KIF26B: variants seen among roughly 807,000 people sequenced by gnomAD.
KIF26B encodes kinesin-like protein KIF26B.
KIF26B carries 63 observed loss-of-function variants against 151.2 expected under a neutral mutation model. That is an observed-to-expected ratio of 0.42 (90% CI 0.34 to 0.51). KIF26B has a LOEUF of 0.51. Ranked by LOEUF, KIF26B falls within the 20% of genes least tolerant of loss-of-function variation. The probability of loss-of-function intolerance (pLI) is 0.07; values close to 1 mark genes in which losing one functional copy is unlikely to be tolerated. For synonymous variants in KIF26B, 1,357 were observed against 1,262.1 expected (o/e 1.08, Z -1.59); for missense variants, 2,813 against 2,913.6 (o/e 0.97, Z 0.79).
intron 3 of KIF26B, among the ~76,000 whole-genome samples, chr1:245,378,971 G>C (rs922847067): frequency 2.0e-5 from 3 of 152,164 alleles, no homozygotes; most frequent in African/African-American, 7.2e-5. Context: ...CGACTTCTCC[G>C]TGAAGTTGAC....
intron 10 of KIF26B, among the ~76,000 whole-genome samples, chr1:245,670,924 T>A (rs1230086771): frequency 1.3e-5 from 2 of 149,270 alleles, no homozygotes; most frequent in Non-Finnish European, 3.0e-5. Context: ...CCTGTTGTAC[T>A]TTCAAATACT....
At chr1:245,373,151 CATTTT>C (rs1673166856) in intron 3 of KIF26B, among the ~76,000 whole-genome samples, 1 of 152,290 alleles carries the variant, frequency 6.6e-6, no homozygotes, top group East Asian at 1.9e-4. Context: ...AACAGGGACT[CATTTT>C]ATTCTCACAT....
rs968978276 is a variant in KIF26B, at chr1:245,686,130, C to G, written c.3147C>G (p.Ser1049Arg). 6 of 1,611,890 alleles carry G rather than the reference C, an allele frequency of 3.7e-6. No homozygotes were observed. The Admixed American group carries it at 1.0e-4, about 27-fold the overall frequency. The change falls in exon 12 of 15, where the codon AGC becomes AGG. Residue 1049 changes from serine (S) to arginine (R), a missense_variant. Ser to Arg is a moderately radical substitution (Grantham distance 110, BLOSUM62 -1). Around this residue, in one of 3 missense-constraint regions of KIF26B, gnomAD observed 2,060 missense variants for 2,088.6 expected, o/e 0.99. Coordinates refer to ENST00000407071, the MANE Select transcript of KIF26B (RefSeq NM_018012.4). This position sits in a 1 kb window ranked among gnomAD's most constrained non-coding sequence, Gnocchi z 5.6. ...QSPSLQSSRE[S>R]LNSCGFVEGK... The stretch of plus-strand genomic sequence containing the variant: ...CCAGCCTCCAGAGCAGCCGGGAGAG[C>G]CTCAACTCCTGCGGCTTCGTGGAAG...
Position 245,688,187 on chromosome 1 carries a change from T to A in KIF26B, c.5204T>A (p.Val1735Glu). Residue 1735 changes from valine to glutamate, a missense_variant, in exon 12 of 15, where the codon GTG (valine) becomes GAG (glutamate). Coordinates refer to ENST00000407071, the MANE Select transcript of KIF26B (RefSeq NM_018012.4). ...PKAGQSKISAVSRLLLASPRA... is the reference protein window; with the variant it reads ...PKAGQSKISAESRLLLASPRA... ...GCCGGCCAGTCCAAGATCTCCGCCG[T>A]GAGCAGACTCCTCCTGGCCAGCCCC... The A allele has an allele frequency of 6.3e-7, 1 of 1,597,354 alleles. No individual in the cohort carries two copies. The highest frequency in any genetic ancestry group is 1.1e-5 in the South Asian group (1 of 90,844).
chr1:245,190,028 C>CT (rs1245560667), intron 2 of KIF26B, among the ~76,000 whole-genome samples: 2 of 150,740 alleles, frequency 1.3e-5, no homozygotes, highest in Non-Finnish European at 3.0e-5. Context: ...TATCTCCTCC[C>CT]CGGTCCCTCC....
intron 2 of KIF26B, among the ~76,000 whole-genome samples, chr1:245,336,579 G>T (rs867519785): frequency 7.9e-5 from 12 of 152,320 alleles, no homozygotes; most frequent in African/African-American, 2.6e-4. Flanking sequence ...TTGCTTCTCT[G>T]CAGGCTCGTG....
intron 4 of KIF26B, among the ~76,000 whole-genome samples, chr1:245,492,210 G>C (rs185955486): frequency 6.6e-6 from 1 of 152,176 alleles, no homozygotes; most frequent in Non-Finnish European, 1.5e-5. Flanking sequence ...GCTGAGCCGC[G>C]TCAGCTCTTT....
intron 2 of KIF26B, among the ~76,000 whole-genome samples, chr1:245,231,062 G>A (rs182127574): frequency 1.8e-3 from 279 of 152,086 alleles, no homozygotes; most frequent in Non-Finnish European, 3.4e-3. Flanking sequence ...AATTATAAGG[G>A]ATATTGAGAA....
chr1:245,444,058 AC>A (rs1334431443), intron 4 of KIF26B, among the ~76,000 whole-genome samples: 4 of 129,134 alleles, frequency 3.1e-5, no homozygotes, highest in Non-Finnish European at 6.5e-5. Context: ...CTCACTGTTC[AC>A]CCTGCGGTCA....
chr1:245,389,335 ACTC>A (rs1673629661), intron 3 of KIF26B, among the ~76,000 whole-genome samples: 1 of 145,748 alleles, frequency 6.9e-6, no homozygotes, highest in Non-Finnish European at 1.5e-5. Flanking sequence ...CTGGTCTTGA[ACTC>A]CTGACCTCAG....
At chr1:245,657,491 C>T (rs1369548751) in intron 10 of KIF26B, among the ~76,000 whole-genome samples, 1 of 152,082 alleles carries the variant, frequency 6.6e-6, no homozygotes, top group African/African-American at 2.4e-5. Context: ...GCCAGAAGGC[C>T]CCTTTAAAAT....
rs1351722395 is a variant in KIF26B, at chr1:245,495,352, T to C, written c.1167-45415T>C. Among the ~76,000 whole-genome samples the C allele has an allele frequency of 6.6e-6, 1 of 152,224 alleles. No homozygotes were observed. Among genetic ancestry groups the C allele is most frequent in the Non-Finnish European group, 1.5e-5 (1 of 68,026 alleles). ...TTTCTTTTTCTTTTTAGTTGACACA[T>C]AATAATTGTACATATTTGTAGGTAC... is the stretch of plus-strand genomic sequence containing the variant. On this transcript the variant is annotated intron_variant, in intron 4 of 14. Coordinates refer to ENST00000407071, the MANE Select transcript of KIF26B (RefSeq NM_018012.4). The surrounding 1 kb of genome is among the most constrained non-coding windows in gnomAD (Gnocchi z 4.2).
chr1:245,285,761 C>G (rs1332862014), intron 2 of KIF26B, among the ~76,000 whole-genome samples: 1 of 151,568 alleles, frequency 6.6e-6, no homozygotes, highest in East Asian at 1.9e-4. Flanking sequence ...TGGTGCCCCA[C>G]TGTGGGTTGG....
chr1:245,642,011 A>G (rs2043897160), intron 9 of KIF26B, among the ~76,000 whole-genome samples: 1 of 152,328 alleles, frequency 6.6e-6, no homozygotes, highest in African/African-American at 2.4e-5. Flanking sequence ...TGATCACCAC[A>G]GTAATCTCAG....
chr1:245,430,638 G>A (rs1658754892), intron 4 of KIF26B, among the ~76,000 whole-genome samples: 1 of 152,024 alleles, frequency 6.6e-6, no homozygotes, highest in African/African-American at 2.4e-5. Context: ...GGGCACTCCA[G>A]CCTAGGCGAC....
intron 4 of KIF26B, among the ~76,000 whole-genome samples, chr1:245,433,939 G>T (rs968825266): frequency 9.2e-5 from 14 of 152,036 alleles, no homozygotes; most frequent in Non-Finnish European, 1.9e-4. Flanking sequence ...TCTCTTGGGG[G>T]TCTGTAGTGA....
chr1:245,375,918 G>A lies in KIF26B; in HGVS notation c.999+8551G>A, dbSNP rs1475002210. Reference sequence around the variant, plus strand: ...ATCTGGGTGCCACCACAGAATGAGAGGTTACTCATACTGCACCGCTGGTTT... The same window carrying A: ...ATCTGGGTGCCACCACAGAATGAGAAGTTACTCATACTGCACCGCTGGTTT... On this transcript the variant is annotated intron_variant, in intron 3 of 14. Transcript: ENST00000407071. The surrounding 1 kb of genome is among the most constrained non-coding windows in gnomAD (Gnocchi z 4.2). Among the ~76,000 whole-genome samples, 1 of 152,158 alleles carries A rather than the reference G, an allele frequency of 6.6e-6. No individual in the cohort carries two copies. The highest frequency in any genetic ancestry group is 1.5e-5 in the Non-Finnish European group (1 of 68,034).
chr1:245,157,979 C>G (rs1368969513), intron 2 of KIF26B, among the ~76,000 whole-genome samples: 1 of 152,196 alleles, frequency 6.6e-6, no homozygotes, highest in African/African-American at 2.4e-5. Context: ...AGTCCTTGTC[C>G]ACGTGGAGCT....
At chr1:245,216,883 T>C (rs1669657564) in intron 2 of KIF26B, among the ~76,000 whole-genome samples, 1 of 152,342 alleles carries the variant, frequency 6.6e-6, no homozygotes, top group African/African-American at 2.4e-5. Context: ...GTGTTTAATA[T>C]AAAATCGTTT....
Sources: gnomAD v4.1 joint callset for allele counts (sites outside exome capture counted in the v4.1 genomes callset) on GRCh38, gnomAD v4.1.1 for gene constraint, gnomAD v4.1.1 regional missense constraint, Gnocchi (gnomAD v3.1) non-coding constraint, MANE v1.5 for transcripts, NCBI Gene and HGNC (gene_info 2026-07-23, HGNC 2026-07-21) for gene names.